The following GABBR2 variants were observed in gnomAD, a reference collection of about 807,000 sequenced individuals.
GABBR2 encodes gamma-aminobutyric acid type B receptor subunit 2.
In GABBR2, 23 loss-of-function variants were observed where a neutral mutation model predicts 105.6. That is an observed-to-expected ratio of 0.22 (90% CI 0.16 to 0.31). GABBR2 has a LOEUF of 0.31. GABBR2 is among the 10% of genes least tolerant of loss of function. The probability of loss-of-function intolerance (pLI) is 1.00; values close to 1 mark genes in which losing one functional copy is unlikely to be tolerated. For missense variants in GABBR2, 734 were observed against 1,245.5 expected (o/e 0.59, Z 6.18); for synonymous variants, 478 against 499.7 (o/e 0.96, Z 0.58).
At chr9:98,513,226 C>T (rs1301208897) in intron 3 of GABBR2, among the ~76,000 whole-genome samples, 1 of 150,954 alleles carries the variant, frequency 6.6e-6, no homozygotes, top group East Asian at 1.9e-4. Flanking sequence ...AAACTGGATC[C>T]CTTCCTTACA....
At chr9:98,471,732 C>T (rs1826687154) in intron 6 of GABBR2, among the ~76,000 whole-genome samples, 1 of 152,132 alleles carries the variant, frequency 6.6e-6, no homozygotes, top group Admixed American at 6.5e-5. Flanking sequence ...ATTTTTTTCC[C>T]TTAGGTTTTG....
At chr9:98,625,038 C>T (rs763841392) in intron 1 of GABBR2, among the ~76,000 whole-genome samples, 37 of 152,262 alleles carry the variant, frequency 2.4e-4, no homozygotes, top group Non-Finnish European at 4.9e-4. Flanking sequence ...TGCTGGCCAC[C>T]TACACTCAGG....
chr9:98,422,782 C>T (rs985945915), intron 7 of GABBR2, among the ~76,000 whole-genome samples: 2 of 136,416 alleles, frequency 1.5e-5, no homozygotes, highest in African/African-American at 5.7e-5. Flanking sequence ...CCACAACAGT[C>T]CCCAGAGTGT....
chr9:98,545,464 C>T (rs1460884946), intron 2 of GABBR2, among the ~76,000 whole-genome samples: 1 of 152,152 alleles, frequency 6.6e-6, no homozygotes, highest in Non-Finnish European at 1.5e-5. Context: ...TCAAAACTAA[C>T]AGACATCTGA....
chr9:98,371,294 G>T (rs938511223), intron 12 of GABBR2, among the ~76,000 whole-genome samples, 170 bp downstream of exon 12: 3 of 152,198 alleles, frequency 2.0e-5, no homozygotes, highest in African/African-American at 7.2e-5. Context: ...TATTACAAAT[G>T]CTTTGTTAAC....
chr9:98,371,057 C>G (rs1043261926), intron 12 of GABBR2, among the ~76,000 whole-genome samples: 7 of 152,050 alleles, frequency 4.6e-5, no homozygotes, highest in African/African-American at 7.2e-5. Context: ...GCCCTATGCC[C>G]CAGCCACACC....
chr9:98,612,426 G>A (rs922398834), intron 1 of GABBR2, among the ~76,000 whole-genome samples: 5 of 152,226 alleles, frequency 3.3e-5, no homozygotes, highest in African/African-American at 1.2e-4. Context: ...AGGCTGAGGA[G>A]GGATTCAAGC....
At chr9:98,361,253 C>T (rs1279449943) in intron 13 of GABBR2, among the ~76,000 whole-genome samples, 1 of 152,150 alleles carries the variant, frequency 6.6e-6, no homozygotes, top group Non-Finnish European at 1.5e-5. Flanking sequence ...GTAAGTTACA[C>T]AGCCTCTCTA....
At chr9:98,350,095 C>A (rs1831370448) in intron 13 of GABBR2, among the ~76,000 whole-genome samples, 1 of 151,174 alleles carries the variant, frequency 6.6e-6, no homozygotes, top group African/African-American at 2.4e-5. Context: ...GTTGTTATGT[C>A]TCCTTTTTGT....
intron 3 of GABBR2, among the ~76,000 whole-genome samples, chr9:98,510,065 T>G (rs1208312446): frequency 1.3e-5 from 2 of 152,366 alleles, no homozygotes; most frequent in South Asian, 2.1e-4. Context: ...GACTAACAGC[T>G]GATCTCTCAG....
At chr9:98,343,079 T>C (rs1345737646) in intron 13 of GABBR2, among the ~76,000 whole-genome samples, 1 of 152,224 alleles carries the variant, frequency 6.6e-6, no homozygotes. Flanking sequence ...CAAAGCCAAG[T>C]GTAGTTCCAT....
intron 3 of GABBR2, among the ~76,000 whole-genome samples, chr9:98,501,314 G>A (rs951321903): frequency 2.6e-5 from 4 of 151,982 alleles, no homozygotes; most frequent in Non-Finnish European, 4.4e-5. Context: ...ACAGGTGCCC[G>A]CCACCACACC....
At chr9:98,318,853 T>C (rs930697946) in intron 13 of GABBR2, among the ~76,000 whole-genome samples, 1 of 151,812 alleles carries the variant, frequency 6.6e-6, no homozygotes, top group African/African-American at 2.4e-5. Context: ...TAGGTTTTTC[T>C]GCTGGGGGTG....
At chr9:98,305,055 G>A (rs1830529932) in intron 15 of GABBR2, among the ~76,000 whole-genome samples, 1 of 152,020 alleles carries the variant, frequency 6.6e-6, no homozygotes, top group South Asian at 2.1e-4. Context: ...TTACAGGCAC[G>A]AGCCACCATG....
intron 13 of GABBR2, among the ~76,000 whole-genome samples, chr9:98,313,765 A>AGC (rs2131365532): frequency 6.6e-6 from 1 of 151,958 alleles, no homozygotes; most frequent in Admixed American, 6.5e-5. Flanking sequence ...ACTAGGAAGA[A>AGC]GGTACTTTGA....
At chr9:98,365,246 T>A (rs948070460) in intron 12 of GABBR2, among the ~76,000 whole-genome samples, 3 of 152,230 alleles carry the variant, frequency 2.0e-5, no homozygotes, top group Non-Finnish European at 4.4e-5. Flanking sequence ...ACAGTTAGTA[T>A]AAGAATAAAA....
chr9:98,536,786 G>C, intron 3 of GABBR2, among the ~76,000 whole-genome samples: 1 of 152,054 alleles, frequency 6.6e-6, no homozygotes, highest in Non-Finnish European at 1.5e-5. Context: ...TTACCTGCCT[G>C]CCTATCCCTC....
Position 98,306,493 on chromosome 9 carries a change from T to G in GABBR2, c.2005-148A>C, listed in dbSNP as rs1431016740. The stretch of plus-strand genomic sequence containing the variant: ...GGGCCTTGCTGTCAGCCGGGTCTTC[T>G]GGATGTCACCATCTGTCCCCACTTG... On this transcript the variant is annotated intron_variant, in intron 14 of 18. Transcript: ENST00000259455. The surrounding 1 kb of genome is among the most constrained non-coding windows in gnomAD (Gnocchi z 5.4). The G allele has an allele frequency of 3.1e-6, 2 of 649,820 alleles. No individual in the cohort carries two copies. Among genetic ancestry groups the G allele is most frequent in the African/African-American group, 3.6e-5 (2 of 55,784 alleles). 40.3% of individuals were successfully genotyped at this position (649,820 alleles called of 1,614,324 possible).
chr9:98,518,861 G>C (rs761874771), intron 3 of GABBR2, among the ~76,000 whole-genome samples: 12 of 152,198 alleles, frequency 7.9e-5, no homozygotes, highest in Non-Finnish European at 1.3e-4. Flanking sequence ...CTGAGTGTGT[G>C]CCCTGGGAGG....
Sources: gnomAD v4.1 joint callset for allele counts (sites outside exome capture counted in the v4.1 genomes callset) on GRCh38, gnomAD v4.1.1 for gene constraint, Gnocchi (gnomAD v3.1) non-coding constraint, MANE v1.5 for transcripts, NCBI Gene and HGNC (gene_info 2026-07-23, HGNC 2026-07-21) for gene names.